Variants in SECISBP2L observed in about 807,000 individuals in gnomAD.
The protein encoded by SECISBP2L is selenocysteine insertion sequence-binding protein 2-like.
Under a neutral mutation model 114.7 loss-of-function variants are expected in SECISBP2L, and 43 were observed. The ratio of observed to expected loss-of-function variants is 0.38; its 90% CI spans 0.29 to 0.48. The LOEUF (loss-of-function observed/expected upper bound fraction) is 0.48, where lower values mean the gene tolerates loss of function less well. Among genes scored for constraint, SECISBP2L ranks in the 20% least tolerant of loss-of-function variants. The probability of loss-of-function intolerance (pLI) is 0.98; values close to 1 mark genes in which losing one functional copy is unlikely to be tolerated. For missense variants in SECISBP2L, 1,136 were observed against 1,301.1 expected, an observed-to-expected ratio of 0.87 and a Z score of 1.95; for synonymous variants, 451 against 439.7, an observed-to-expected ratio of 1.03 and a Z score of -0.32.
At chr15:49,019,641 C>T (rs1351427984) in intron 7 of SECISBP2L, 89 bp from the exon 8 acceptor site, 3 of 1,084,190 alleles carry the variant, frequency 2.8e-6, no homozygotes, top group South Asian at 3.4e-5. Context: ...GAAAAGTACA[C>T]GCAAGTGTAC....
chr15:49,026,641 A>G (rs1326406996), intron 7 of SECISBP2L, among the ~76,000 whole-genome samples: 3 of 152,234 alleles, frequency 2.0e-5, no homozygotes, highest in Non-Finnish European at 4.4e-5. Context: ...ACAGGCAAAG[A>G]GTTAGTATAT....
chr15:49,000,825 G>C, intron 15 of SECISBP2L, 52 bp downstream of exon 15: 1 of 1,425,546 alleles, frequency 7.0e-7, no homozygotes, highest in South Asian at 1.3e-5. Context: ...TATATTCACT[G>C]TATATCCCAC....
intron 7 of SECISBP2L, among the ~76,000 whole-genome samples, chr15:49,022,380 G>C (rs891792750): frequency 3.3e-5 from 5 of 152,138 alleles, no homozygotes; most frequent in Admixed American, 2.0e-4. Flanking sequence ...CGGATGGATC[G>C]CTTGAGGTCA....
At chr15:49,024,972 C>T (rs1274686337) in intron 7 of SECISBP2L, among the ~76,000 whole-genome samples, 1 of 152,086 alleles carries the variant, frequency 6.6e-6, no homozygotes, top group Non-Finnish European at 1.5e-5. Context: ...AAATGTTTTT[C>T]ATCTCAGTAT....
intron 1 of SECISBP2L, among the ~76,000 whole-genome samples, chr15:49,046,022 C>T (rs375825200): frequency 6.6e-6 from 1 of 152,176 alleles, no homozygotes; most frequent in African/African-American, 2.4e-5. Context: ...GCCTTCTGAC[C>T]CCTTCACCAA....
Position 48,988,694 on chromosome 15 carries a change from G to C in SECISBP2L, c.*3550C>G. ...AAGAATCCCCACTAGTATTTACATA[G>C]TGCAAAAAAGCTGTTATTACCCCCC... On this transcript the variant is annotated 3_prime_UTR_variant, in exon 18 of 18. Coordinates refer to ENST00000559471, the MANE Select transcript of SECISBP2L (RefSeq NM_001193489.2). The C allele has an allele frequency of 2.3e-6, 1 of 430,940 alleles. No homozygotes were observed. The highest frequency in any genetic ancestry group is 1.7e-5 in the South Asian group (1 of 60,106). The allele number at this position is 430,940 out of a possible 1,614,324, so 26.7% of individuals were successfully genotyped here.
rs937039398 is a variant in SECISBP2L, at chr15:49,009,206, T to C, written c.2027+10A>G. 1.9e-6 allele frequency: 3 copies of C among 1,613,402 alleles called. No homozygotes were observed. Among genetic ancestry groups the C allele is most frequent in the Non-Finnish European group, 2.5e-6 (3 of 1,179,444 alleles). On this transcript the variant is annotated intron_variant, in intron 14 of 17. Coordinates refer to ENST00000559471, the MANE Select transcript of SECISBP2L (RefSeq NM_001193489.2). The stretch of plus-strand genomic sequence containing the variant: ...AACTATTCAACCTCAATAATGAGTA[T>C]AAAACTTACTCTCTAAATCTTTTGC...
chr15:48,989,692 C>G lies in SECISBP2L; in HGVS notation c.*2552G>C, dbSNP rs1901931645. 1 of 152,144 alleles carries G rather than the reference C, an allele frequency of 6.6e-6. No individual in the cohort carries two copies. The highest frequency in any genetic ancestry group is 2.4e-5 in the African/African-American group (1 of 41,422). The allele number at this position is 152,144 out of a possible 1,614,324, so 9.4% of individuals were successfully genotyped here. A position where few individuals can be genotyped will look rare whatever the true frequency, so the allele number is the denominator to read the frequency against. On this transcript the variant is annotated 3_prime_UTR_variant, in exon 18 of 18. Coordinates refer to ENST00000559471, the MANE Select transcript of SECISBP2L (RefSeq NM_001193489.2). ...CTATTATTAATTATTGCCAGTAAAACCACCTCTACACATTAAGAGAAAAAA... is the reference window on the plus strand; with the variant it reads ...CTATTATTAATTATTGCCAGTAAAAGCACCTCTACACATTAAGAGAAAAAA...
chr15:49,004,253 G>C (rs1000096902), intron 14 of SECISBP2L, among the ~76,000 whole-genome samples: 1 of 152,052 alleles, frequency 6.6e-6, no homozygotes, highest in African/African-American at 2.4e-5. Context: ...TTCTCTGATG[G>C]CAGTTTGTAT....
At chr15:49,009,484 C>T in intron 13 of SECISBP2L, 106 bp from the exon 14 acceptor site, 1 of 1,112,476 alleles carries the variant, frequency 9.0e-7, no homozygotes, top group Non-Finnish European at 1.3e-6. Context: ...TGGGTCATTT[C>T]CAAATTTTCC....
intron 1 of SECISBP2L, among the ~76,000 whole-genome samples, chr15:49,045,968 A>G (rs928541133): frequency 6.6e-6 from 1 of 152,206 alleles, no homozygotes; most frequent in African/African-American, 2.4e-5. Flanking sequence ...GGAGACTACT[A>G]GAAGTTATAA....
rs1045546946 is a variant in SECISBP2L, at chr15:49,038,358, T to C, written c.25-589A>G. 2.6e-5 allele frequency among the ~76,000 whole-genome samples: 4 copies of C among 151,448 alleles called. No individual in the cohort carries two copies. In the South Asian group the frequency reaches 8.3e-4, roughly 31 times the overall value. On this transcript the variant is annotated intron_variant, in intron 1 of 17. Transcript: ENST00000559471. Reference sequence around the variant, plus strand: ...TACACATGTGAGTAAACTAAAGTAATCCAAGATATGTAATCCATTTTAGTT... The same window carrying C: ...TACACATGTGAGTAAACTAAAGTAACCCAAGATATGTAATCCATTTTAGTT...
chr15:49,005,916 C>A (rs953186269), intron 14 of SECISBP2L, among the ~76,000 whole-genome samples: 1 of 151,944 alleles, frequency 6.6e-6, no homozygotes. Context: ...ATATTTAGTG[C>A]TTCCTTCAGG....
Position 49,046,320 on chromosome 15 carries a change from G to T in SECISBP2L, c.-21C>A. On this transcript the variant is annotated 5_prime_UTR_variant, in exon 1 of 18. Coordinates refer to ENST00000559471, the MANE Select transcript of SECISBP2L (RefSeq NM_001193489.2). Reference sequence around the variant, plus strand: ...TCCATGGTGCCTGCAGCCGCAACGGGCCCGCGCTAGTCGGTGTAAACAGCG... The same window carrying T: ...TCCATGGTGCCTGCAGCCGCAACGGTCCCGCGCTAGTCGGTGTAAACAGCG... 1 of 1,538,762 alleles carries T rather than the reference G, an allele frequency of 6.5e-7. No individual in the cohort carries two copies. The highest frequency in any genetic ancestry group is 1.4e-5 in the African/African-American group (1 of 71,382).
intron 17 of SECISBP2L, among the ~76,000 whole-genome samples, chr15:48,993,369 T>C (rs963829310): frequency 6.6e-6 from 1 of 152,118 alleles, no homozygotes; most frequent in Non-Finnish European, 1.5e-5. Flanking sequence ...AATAAGTATA[T>C]TAACGCTTCA....
At position 49,030,047 on chromosome 15, in the gene SECISBP2L, C is replaced by CA. The variant is rs11329699; in HGVS notation, c.665-1366dup. 9.2e-3 allele frequency among the ~76,000 whole-genome samples: 1,316 copies of CA among 142,410 alleles called. 13 individuals are homozygous for CA. Among genetic ancestry groups the CA allele is most frequent in the Middle Eastern group, 0.011 (3 of 276 alleles). The allele number at this position is 142,410 out of a possible 152,430, so 93.4% of individuals were successfully genotyped here. On this transcript the variant is annotated intron_variant, in intron 4 of 17. Transcript: ENST00000559471. ...AAATCATAACTGTACCAAGACAGTC[C>CA]AAAAAAAAAAAACAAAAAACAAGAC...
At chr15:49,011,624 T>C in intron 13 of SECISBP2L, 107 bp downstream of exon 13, 3 of 1,283,630 alleles carry the variant, frequency 2.3e-6, no homozygotes, top group South Asian at 2.9e-5. Flanking sequence ...TTATGTAAAA[T>C]ATGGAGCACG....
chr15:49,001,456 ATTC>A (rs1423238927), intron 14 of SECISBP2L, among the ~76,000 whole-genome samples: 2 of 119,910 alleles, frequency 1.7e-5, no homozygotes, highest in African/African-American at 8.1e-5. Context: ...TCCACATCGT[ATTC>A]TTTTTTTTTT....
chr15:49,039,116 C>T (rs887340294), intron 1 of SECISBP2L, among the ~76,000 whole-genome samples: 1 of 152,158 alleles, frequency 6.6e-6, no homozygotes, highest in Admixed American at 6.5e-5. Context: ...AACTGTCCAG[C>T]AGTATTAATT....
Sources: allele counts gnomAD v4.1 joint callset (sites outside exome capture counted in the v4.1 genomes callset), GRCh38; gene constraint gnomAD v4.1.1; transcripts MANE v1.5; gene names NCBI Gene and HGNC (gene_info 2026-07-23, HGNC 2026-07-21).